Variants in MARCHF1 observed in about 807,000 individuals in gnomAD.
MARCHF1 encodes E3 ubiquitin-protein ligase MARCHF1.
MARCHF1 carries 40 observed loss-of-function variants against 54.2 expected under a neutral mutation model. The ratio of observed to expected loss-of-function variants is 0.74; its 90% CI spans 0.57 to 0.96. The LOEUF (loss-of-function observed/expected upper bound fraction) is 0.96. Among genes scored for constraint, MARCHF1 ranks in the 40% least tolerant of loss-of-function variants. MARCHF1 has a pLI of 0.00. For missense variants in MARCHF1, 586 were observed against 656.5 expected (o/e 0.89, Z 1.17); for synonymous variants, 236 against 236.3 (o/e 1.00, Z 0.01).
chr4:164,187,033 T>TC (rs1343355327), intron 1 of MARCHF1, among the ~76,000 whole-genome samples: 1 of 151,940 alleles, frequency 6.6e-6, no homozygotes, highest in East Asian at 1.9e-4. Flanking sequence ...AATCTTTTTT[T>TC]TTTTTTGCAT....
At chr4:164,164,885 G>A (rs1730330778) in intron 1 of MARCHF1, among the ~76,000 whole-genome samples, 1 of 152,000 alleles carries the variant, frequency 6.6e-6, no homozygotes, top group South Asian at 2.1e-4. Context: ...GGCCAAGTAA[G>A]ACCCTCCTCA....
chr4:164,039,369 G>T (rs1754077006), intron 2 of MARCHF1, among the ~76,000 whole-genome samples: 1 of 152,060 alleles, frequency 6.6e-6, no homozygotes, highest in South Asian at 2.1e-4. Context: ...AAAGAACCTG[G>T]GTTGAAATTG....
chr4:163,620,606 C>CACACACACACACAGAG (rs1282901525), intron 5 of MARCHF1, among the ~76,000 whole-genome samples: 3 of 56,870 alleles, frequency 5.3e-5, no homozygotes, highest in Admixed American at 2.1e-4. Context: ...CACACACACA[C>CACACACACACACAGAG]AGAGAGAGAG....
rs926717804 is a variant in MARCHF1, at chr4:164,188,697, C to T, written c.-322-77035G>A. The stretch of plus-strand genomic sequence containing the variant: ...ATCGGCCGCACGTGGAACGACCTGT[C>T]TATGCAGCAGGACATCAAGTTCTTG... On this transcript the variant is annotated intron_variant, in intron 1 of 9. Coordinates refer to ENST00000514618, the MANE Select transcript of MARCHF1 (RefSeq NM_001394959.1). 1.1e-4 allele frequency: 117 copies of T among 1,082,264 alleles called. 1 individual carries two copies. In the Middle Eastern group the frequency reaches 2.0e-3, roughly 18 times the overall value. 67.0% of individuals were successfully genotyped at this position (1,082,264 alleles called of 1,614,324 possible).
chr4:163,527,527 T>TATC lies in MARCHF1; in HGVS notation c.*1220_*1221insGAT, dbSNP rs1738159327. ...ACTCTGCTATAGGCAGATTGATTGT[T>TATC]TTATCTTTCTATACTTTTGGATTTT... On this transcript the variant is annotated 3_prime_UTR_variant, in exon 10 of 10. Transcript: ENST00000514618. 1 of 152,078 alleles carries TATC rather than the reference T, an allele frequency of 6.6e-6. No individual in the cohort carries two copies. Among genetic ancestry groups the TATC allele is most frequent in the South Asian group, 2.1e-4 (1 of 4,836 alleles). The allele number at this position is 152,078 out of a possible 1,614,324, so 9.4% of individuals were successfully genotyped here. A position where few individuals can be genotyped will look rare whatever the true frequency, so the allele number is the denominator to read the frequency against.
chr4:164,128,341 A>G (rs1398372182), intron 1 of MARCHF1, among the ~76,000 whole-genome samples: 1 of 152,152 alleles, frequency 6.6e-6, no homozygotes, highest in Non-Finnish European at 1.5e-5. Flanking sequence ...TAAAATGACA[A>G]AAATTCAACA....
chr4:163,555,914 A>C lies in MARCHF1; in HGVS notation c.1192-10171T>G, dbSNP rs1203318350. On this transcript the variant is annotated intron_variant, in intron 8 of 9. Transcript: ENST00000514618. ...GGTCTGTGGTCACTCTCTGTGCCTA[A>C]GTGATCATAGCCTTGCCGTTTAGGA... 3 of 456,286 alleles carry C rather than the reference A, an allele frequency of 6.6e-6. No homozygotes were observed. In the East Asian group the frequency reaches 2.1e-4, roughly 32 times the overall value. The allele number at this position is 456,286 out of a possible 1,614,324, so 28.3% of individuals were successfully genotyped here.
rs1445136274 is a variant in MARCHF1, at chr4:163,792,654, G to T, written c.111+61367C>A. Among the ~76,000 whole-genome samples, 3 of 152,118 alleles carry T rather than the reference G, an allele frequency of 2.0e-5. No homozygotes were observed. The East Asian group carries it at 5.8e-4, about 29-fold the overall frequency. On this transcript the variant is annotated intron_variant, in intron 4 of 9. Coordinates refer to ENST00000514618, the MANE Select transcript of MARCHF1 (RefSeq NM_001394959.1). ...CATTTGAATAACTATTTTAACTGAA[G>T]AGTAAAACATAATCAGTCAATCCTG...
intron 2 of MARCHF1, among the ~76,000 whole-genome samples, chr4:164,005,345 T>C (rs1053123468): frequency 4.6e-5 from 7 of 152,110 alleles, no homozygotes; most frequent in Non-Finnish European, 8.8e-5. Flanking sequence ...ACTTCCAGTT[T>C]TAAAACAGCA....
At chr4:164,163,447 A>C (rs1730293538) in intron 1 of MARCHF1, among the ~76,000 whole-genome samples, 1 of 152,030 alleles carries the variant, frequency 6.6e-6, no homozygotes, top group South Asian at 2.1e-4. Flanking sequence ...TTTAGAGTAA[A>C]TGCTAAAATA....
chr4:163,834,739 T>C (rs112646183), intron 4 of MARCHF1, among the ~76,000 whole-genome samples: 164 of 151,946 alleles, frequency 1.1e-3, no homozygotes, highest in East Asian at 9.7e-4. Flanking sequence ...TAGGTGGGAA[T>C]TGAACAATGA....
intron 2 of MARCHF1, among the ~76,000 whole-genome samples, chr4:164,034,915 G>C (rs951252243): frequency 6.6e-6 from 1 of 152,048 alleles, no homozygotes; most frequent in Admixed American, 6.5e-5. Flanking sequence ...AGACAATAAA[G>C]CTGGGATTCC....
At chr4:164,045,161 A>C (rs1177961637) in intron 2 of MARCHF1, among the ~76,000 whole-genome samples, 1 of 152,126 alleles carries the variant, frequency 6.6e-6, no homozygotes, top group Non-Finnish European at 1.5e-5. Context: ...ACAATAAAAA[A>C]GGGCCCTCTA....
chr4:163,526,542 G>A lies in MARCHF1; in HGVS notation c.*2206C>T, dbSNP rs182705265. The A allele has an allele frequency of 3.9e-5, 6 of 152,066 alleles. No homozygotes were observed. The highest frequency in any genetic ancestry group is 1.2e-4 in the African/African-American group (5 of 41,536). The allele number at this position is 152,066 out of a possible 1,614,324, so 9.4% of individuals were successfully genotyped here. On this transcript the variant is annotated 3_prime_UTR_variant, in exon 10 of 10. Coordinates refer to ENST00000514618, the MANE Select transcript of MARCHF1 (RefSeq NM_001394959.1). ...CATTAAGGTTAATCCCTTGGATATG[G>A]TGCCATGGTTAAATCACCCACAGAT...
intron 4 of MARCHF1, among the ~76,000 whole-genome samples, chr4:163,719,302 T>C (rs888195339): frequency 1.3e-4 from 20 of 152,122 alleles, no homozygotes; most frequent in African/African-American, 4.6e-4. Flanking sequence ...GTTCTTGCGA[T>C]AGTTTGCTGA....
At chr4:164,132,997 C>T (rs1218814864) in intron 1 of MARCHF1, among the ~76,000 whole-genome samples, 1 of 152,142 alleles carries the variant, frequency 6.6e-6, no homozygotes, top group Non-Finnish European at 1.5e-5. Context: ...TTCCATTAGT[C>T]TTTAGCTTCC....
intron 1 of MARCHF1, among the ~76,000 whole-genome samples, chr4:164,304,753 A>T (rs566490214): frequency 1.3e-5 from 2 of 152,240 alleles, no homozygotes; most frequent in South Asian, 2.1e-4. Flanking sequence ...TGCATTACTG[A>T]TGTATCCATT....
At chr4:164,331,340 G>C (rs1389764375) in intron 1 of MARCHF1, among the ~76,000 whole-genome samples, 1 of 152,086 alleles carries the variant, frequency 6.6e-6, no homozygotes, top group Non-Finnish European at 1.5e-5. Flanking sequence ...AAAGAAAAAT[G>C]GTGGCGAGTT....
At chr4:164,119,559 T>A (rs893403417) in intron 1 of MARCHF1, among the ~76,000 whole-genome samples, 1 of 151,576 alleles carries the variant, frequency 6.6e-6, no homozygotes, top group Non-Finnish European at 1.5e-5. Flanking sequence ...TTTTAAAGAT[T>A]AATAATTATG....
Sources: allele counts gnomAD v4.1 joint callset (sites outside exome capture counted in the v4.1 genomes callset), GRCh38; gene constraint gnomAD v4.1.1; transcripts MANE v1.5; gene names NCBI Gene and HGNC (gene_info 2026-07-23, HGNC 2026-07-21).